The following NIBAN1 variants were observed in gnomAD, a reference collection of about 807,000 sequenced individuals.
The protein encoded by NIBAN1 is protein Niban 1.
A neutral mutation model predicts 75.1 loss-of-function variants in NIBAN1; 81 were observed. The observed-to-expected ratio is 1.08, with a 90% CI of 0.90 to 1.30. NIBAN1 has a LOEUF of 1.30. NIBAN1 is among the 50% of genes most tolerant of loss of function. NIBAN1 has a pLI of 0.00. For synonymous variants in NIBAN1, 436 were observed against 424.8 expected (o/e 1.03, Z -0.32); for missense variants, 1,133 against 1,128.1 (o/e 1.00, Z -0.06).
chr1:184,899,910 G>A (rs757945161), intron 1 of NIBAN1, among the ~76,000 whole-genome samples: 18 of 149,440 alleles, frequency 1.2e-4, no homozygotes, highest in Non-Finnish European at 1.6e-4. Flanking sequence ...TTCACCTCCC[G>A]GGTTCAAGCG....
At chr1:184,942,876 G>T (rs1658131250) in intron 1 of NIBAN1, among the ~76,000 whole-genome samples, 1 of 152,032 alleles carries the variant, frequency 6.6e-6, no homozygotes, top group Non-Finnish European at 1.5e-5. Flanking sequence ...TATGAGAAAA[G>T]GGACCTCCAA....
chr1:184,968,379 A>G (rs930055096), intron 1 of NIBAN1, among the ~76,000 whole-genome samples: 6 of 152,238 alleles, frequency 3.9e-5, no homozygotes, highest in Non-Finnish European at 8.8e-5. Context: ...AATTTGCAGT[A>G]GTTTTACTTA....
rs367657123 is a variant in NIBAN1 at position 184,947,471 on chromosome 1, G to A, written c.55+26831C>T. ...CATTTTGGGAGTAGATAGTGGTGACGGTTATACAATATTGTGAATATAGTT... is the reference window on the plus strand; with the variant it reads ...CATTTTGGGAGTAGATAGTGGTGACAGTTATACAATATTGTGAATATAGTT... On this transcript the variant is annotated intron_variant, in intron 1 of 13. Transcript: ENST00000367511. Among the ~76,000 whole-genome samples, 23 of 152,296 alleles carry A rather than the reference G, an allele frequency of 1.5e-4. No individual in the cohort carries two copies. In the East Asian group the frequency reaches 3.3e-3, roughly 22 times the overall value.
intron 1 of NIBAN1, among the ~76,000 whole-genome samples, chr1:184,938,368 T>G (rs1359278478): frequency 1.3e-5 from 2 of 152,144 alleles, no homozygotes; most frequent in Non-Finnish European, 2.9e-5. Context: ...GAGATAAGGA[T>G]GGCTCCAAGA....
intron 1 of NIBAN1, among the ~76,000 whole-genome samples, chr1:184,973,416 C>G (rs994435192): frequency 1.3e-5 from 2 of 151,316 alleles, no homozygotes; most frequent in African/African-American, 4.9e-5. Flanking sequence ...ATTTCTGAAG[C>G]CGAGGGTGGG....
At chr1:184,838,419 C>T (rs1655195902) in intron 5 of NIBAN1, among the ~76,000 whole-genome samples, 1 of 152,114 alleles carries the variant, frequency 6.6e-6, no homozygotes, top group Non-Finnish European at 1.5e-5. Flanking sequence ...GAGGAAAGAG[C>T]CCTGAGAAAC....
intron 6 of NIBAN1, among the ~76,000 whole-genome samples, chr1:184,829,238 C>G (rs575201077): frequency 6.6e-6 from 1 of 152,260 alleles, no homozygotes; most frequent in South Asian, 2.1e-4. Flanking sequence ...ACCACTTGCA[C>G]AAATGCTTTA....
At chr1:184,809,693 A>G (rs78324908) in intron 9 of NIBAN1, among the ~76,000 whole-genome samples, 11 of 140,990 alleles carry the variant, frequency 7.8e-5, no homozygotes, top group Non-Finnish European at 7.6e-5. Context: ...ATACATATAT[A>G]TGTGTATACA....
chr1:184,820,686 T>A (rs1654672789), intron 8 of NIBAN1, among the ~76,000 whole-genome samples: 2 of 152,256 alleles, frequency 1.3e-5, no homozygotes, highest in African/African-American at 4.8e-5. Flanking sequence ...AGGAAGGAGC[T>A]GAACAGAGCG....
chr1:184,938,705 CAAGTT>C (rs1658020013), intron 1 of NIBAN1, among the ~76,000 whole-genome samples: 1 of 152,132 alleles, frequency 6.6e-6, no homozygotes, highest in Admixed American at 6.5e-5. Context: ...ATGGAATTCT[CAAGTT>C]AAAGTGTACT....
At chr1:184,807,252 T>C (rs1463300137) in intron 10 of NIBAN1, among the ~76,000 whole-genome samples, 3 of 151,882 alleles carry the variant, frequency 2.0e-5, no homozygotes, top group East Asian at 1.9e-4. Flanking sequence ...CTTATTCATT[T>C]AGGAAACACT....
At chr1:184,969,775 T>G (rs2102094061) in intron 1 of NIBAN1, among the ~76,000 whole-genome samples, 1 of 151,826 alleles carries the variant, frequency 6.6e-6, no homozygotes, top group East Asian at 1.9e-4. Flanking sequence ...CAGGCAATCC[T>G]ACTGCTTCAG....
intron 5 of NIBAN1, among the ~76,000 whole-genome samples, chr1:184,834,729 A>G (rs1468448908): frequency 6.6e-6 from 1 of 152,088 alleles, no homozygotes; most frequent in Admixed American, 6.6e-5. Context: ...AATTTATTTA[A>G]GTTCTTTGTA....
At chr1:184,913,207 T>C (rs1415628074) in intron 1 of NIBAN1, among the ~76,000 whole-genome samples, 1 of 147,858 alleles carries the variant, frequency 6.8e-6, no homozygotes, top group South Asian at 2.2e-4. Context: ...TAGGAAAAAT[T>C]TGTAGACATG....
chr1:184,865,142 G>C (rs551499672), intron 5 of NIBAN1, among the ~76,000 whole-genome samples: 37 of 152,216 alleles, frequency 2.4e-4, no homozygotes, highest in African/African-American at 8.4e-4. Context: ...AAAAGGGAAT[G>C]CTTATACATG....
Position 184,814,021 on chromosome 1 carries a change from G to A in NIBAN1, c.1173+4617C>T, listed in dbSNP as rs116008523. On this transcript the variant is annotated intron_variant, in intron 9 of 13. Transcript: ENST00000367511. ...GCAAGGTATGTAAGGAGAATTAAAT[G>A]TATTTTTTGTAAGAGATTATAAGAA... Among the ~76,000 whole-genome samples the A allele has an allele frequency of 1.6e-3, 243 of 152,330 alleles. 1 individual carries two copies. The highest frequency in any genetic ancestry group is 2.3e-3 in the Non-Finnish European group (159 of 68,022).
chr1:184,841,376 A>T (rs1571509911), intron 5 of NIBAN1, among the ~76,000 whole-genome samples: 2 of 152,324 alleles, frequency 1.3e-5, no homozygotes, highest in East Asian at 3.9e-4. Context: ...ATAAATGCGA[A>T]ATATAACAGG....
intron 1 of NIBAN1, among the ~76,000 whole-genome samples, chr1:184,937,695 C>T (rs1657997828): frequency 6.6e-6 from 1 of 152,158 alleles, no homozygotes; most frequent in African/African-American, 2.4e-5. Flanking sequence ...AGCCAAGGAG[C>T]AACATGTTGA....
At chr1:184,897,532 C>T (rs1482155114) in intron 2 of NIBAN1, among the ~76,000 whole-genome samples, 1 of 152,106 alleles carries the variant, frequency 6.6e-6, no homozygotes, top group Admixed American at 6.6e-5. Flanking sequence ...TAGTCTTTCC[C>T]TGTTTTATGG....
Sources: allele counts gnomAD v4.1 joint callset (sites outside exome capture counted in the v4.1 genomes callset), GRCh38; gene constraint gnomAD v4.1.1; transcripts MANE v1.5; gene names NCBI Gene and HGNC (gene_info 2026-07-23, HGNC 2026-07-21).